The following TENM3 variants were observed in gnomAD, a reference collection of about 807,000 sequenced individuals.
TENM3 encodes the protein teneurin transmembrane protein 3, also known as teneurin-3.
Under a neutral mutation model 255.1 loss-of-function variants are expected in TENM3, and 63 were observed. The ratio of observed to expected loss-of-function variants is 0.25; its 90% CI spans 0.20 to 0.30. The LOEUF (loss-of-function observed/expected upper bound fraction) is 0.30, where lower values mean the gene tolerates loss of function less well. Among genes scored for constraint, TENM3 ranks in the 10% least tolerant of loss-of-function variants. The pLI is 1.00. For missense variants in TENM3, 2,929 were observed against 3,461.1 expected (o/e 0.85, Z 3.86); for synonymous variants, 1,306 against 1,322.3 (o/e 0.99, Z 0.27).
chr4:181,680,859 T>C, the TENM3 span, among the ~76,000 whole-genome samples: 65 of 152,212 alleles, frequency 4.3e-4, 2 homozygotes, highest in East Asian at 0.012. Context: ...GGAATTTCCA[T>C]CTCAATTATC....
At chr4:181,464,971 T>G in the TENM3 span, among the ~76,000 whole-genome samples, 59,993 of 151,874 alleles carry the variant, frequency 0.4, 12,193 homozygotes, top group Non-Finnish European at 0.44. Flanking sequence ...AGAAAAAAAG[T>G]CCAATTTATC....
At chr4:181,718,046 C>T in the TENM3 span, among the ~76,000 whole-genome samples, 16 of 151,474 alleles carry the variant, frequency 1.1e-4, no homozygotes, top group Admixed American at 7.9e-4. Flanking sequence ...GCTGTGCATT[C>T]GACATAATAT....
At chr4:181,597,418 T>C in the TENM3 span, among the ~76,000 whole-genome samples, 13 of 152,340 alleles carry the variant, frequency 8.5e-5, no homozygotes, top group African/African-American at 2.9e-4. Context: ...CAGCGCTTCT[T>C]TCTACGTTAT....
intron 1 of TENM3, among the ~76,000 whole-genome samples, chr4:182,277,850 G>T (rs1325648932): frequency 6.6e-6 from 1 of 152,150 alleles, no homozygotes; most frequent in Non-Finnish European, 1.5e-5. Flanking sequence ...ATTTTTAGAA[G>T]AATCCTTTTA....
At chr4:182,570,659 C>T (rs1056200501) in intron 3 of TENM3, among the ~76,000 whole-genome samples, 2 of 152,080 alleles carry the variant, frequency 1.3e-5, no homozygotes, top group African/African-American at 4.8e-5. Context: ...ACCATCCTGG[C>T]TCATCTCTAC....
At chr4:181,485,300 G>A in the TENM3 span, among the ~76,000 whole-genome samples, 1 of 152,092 alleles carries the variant, frequency 6.6e-6, no homozygotes, top group Non-Finnish European at 1.5e-5. Context: ...TAACTTGTCT[G>A]TAACCTGTCA....
At chr4:182,312,440 G>A (rs1168485558) in intron 1 of TENM3, among the ~76,000 whole-genome samples, 2 of 152,216 alleles carry the variant, frequency 1.3e-5, no homozygotes, top group Non-Finnish European at 2.9e-5. Flanking sequence ...CATGTCCACT[G>A]AGGTGGACAT....
chr4:181,697,165 G>T, the TENM3 span, among the ~76,000 whole-genome samples: 3 of 152,150 alleles, frequency 2.0e-5, no homozygotes, highest in Non-Finnish European at 4.4e-5. Context: ...TGCTATTCAG[G>T]CCCAGGACGG....
chr4:182,590,353 G>A (rs1156304006), intron 3 of TENM3, among the ~76,000 whole-genome samples: 1 of 151,358 alleles, frequency 6.6e-6, no homozygotes, highest in Non-Finnish European at 1.5e-5. Context: ...AAAGGTTACA[G>A]AGGGCTGGGC....
chr4:182,388,174 C>T (rs976362695), intron 3 of TENM3, among the ~76,000 whole-genome samples: 4 of 152,218 alleles, frequency 2.6e-5, no homozygotes, highest in South Asian at 2.1e-4. Flanking sequence ...TCATTCCCAG[C>T]TGCTTCCACT....
At chr4:182,358,514 CTGTT>C (rs202086402) in intron 3 of TENM3, among the ~76,000 whole-genome samples, 132,296 of 149,764 alleles carry the variant, frequency 0.88, 59,570 homozygotes, top group Non-Finnish European at 0.97. Context: ...ATTTGGCTCT[CTGTT>C]TGTCTGTTAT....
intron 4 of TENM3, among the ~76,000 whole-genome samples, chr4:182,623,557 C>T (rs1489913000): frequency 1.3e-5 from 2 of 151,860 alleles, no homozygotes; most frequent in Admixed American, 6.6e-5. Flanking sequence ...GGTCTCGACT[C>T]CTGAGCTTGT....
At chr4:181,658,704 C>T in the TENM3 span, among the ~76,000 whole-genome samples, 2 of 152,230 alleles carry the variant, frequency 1.3e-5, no homozygotes, top group African/African-American at 4.8e-5. Flanking sequence ...CCTAGCACCT[C>T]ACCTTCATTG....
At chr4:181,923,580 C>T in the TENM3 span, among the ~76,000 whole-genome samples, 2 of 151,998 alleles carry the variant, frequency 1.3e-5, no homozygotes, top group Non-Finnish European at 2.9e-5. Context: ...ATTATTAGCC[C>T]CCACTATTAA....
At chr4:181,656,559 G>A in the TENM3 span, among the ~76,000 whole-genome samples, 5 of 152,106 alleles carry the variant, frequency 3.3e-5, no homozygotes, top group African/African-American at 9.7e-5. Flanking sequence ...AGAGCAGCGG[G>A]GAGGGTCTGA....
chr4:182,644,705 T>C (rs1257289958), intron 5 of TENM3, among the ~76,000 whole-genome samples: 1 of 152,208 alleles, frequency 6.6e-6, no homozygotes, highest in African/African-American at 2.4e-5. Flanking sequence ...TCTTAATTAT[T>C]GGAAAAATCT....
rs554204701 is a variant in TENM3 at position 182,743,674 on chromosome 4, T to A, written c.3629+255T>A. Among the ~76,000 whole-genome samples, 4 of 152,328 alleles carry A rather than the reference T, an allele frequency of 2.6e-5. No individual in the cohort carries two copies. In the South Asian group the frequency reaches 8.3e-4, roughly 32 times the overall value. ...ACTGATTTCAGTGAATTTTCTGTGC[T>A]CTAAAAGGCTAGAGCTATGATTCTT... is the stretch of plus-strand genomic sequence containing the variant. On this transcript the variant is annotated intron_variant, in intron 19 of 27. Coordinates refer to ENST00000511685, the MANE Select transcript of TENM3 (RefSeq NM_001080477.4).
At chr4:181,779,100 A>G in the TENM3 span, among the ~76,000 whole-genome samples, 1 of 151,968 alleles carries the variant, frequency 6.6e-6, no homozygotes, top group Non-Finnish European at 1.5e-5. Flanking sequence ...TTGTTTATGT[A>G]CCTGGTGATG....
intron 3 of TENM3, among the ~76,000 whole-genome samples, chr4:182,376,160 C>T (rs1166987257): frequency 2.6e-5 from 4 of 152,258 alleles, no homozygotes; most frequent in Non-Finnish European, 1.5e-5. Context: ...GCAACATTTG[C>T]GCTGTCATTT....
Sources: allele counts gnomAD v4.1 joint callset (sites outside exome capture counted in the v4.1 genomes callset), GRCh38; gene constraint gnomAD v4.1.1; transcripts MANE v1.5; gene names NCBI Gene and HGNC (gene_info 2026-07-23, HGNC 2026-07-21).